NCOA7: variants seen among roughly 807,000 people sequenced by gnomAD.
NCOA7 encodes the protein 140 kDa estrogen receptor-associated protein.
Under a neutral mutation model 104.3 loss-of-function variants are expected in NCOA7, and 45 were observed. The observed-to-expected ratio is 0.43, with a 90% confidence interval of 0.34 to 0.55. The LOEUF is 0.55. NCOA7 is among the 20% of genes least tolerant of loss of function. The pLI is 0.02. For synonymous variants in NCOA7, 398 were observed against 402.3 expected (o/e 0.99, Z 0.13); for missense variants, 1,041 against 1,119.7 (o/e 0.93, Z 1.00).
intron 10 of NCOA7, among the ~76,000 whole-genome samples, chr6:125,893,657 C>T (rs1406542265): frequency 1.3e-5 from 2 of 152,020 alleles, no homozygotes; most frequent in Non-Finnish European, 1.5e-5. Flanking sequence ...GCATAGTCTC[C>T]GTTAATCTCC....
chr6:125,808,295 G>A (rs1029070475), intron 1 of NCOA7, among the ~76,000 whole-genome samples: 3 of 152,092 alleles, frequency 2.0e-5, no homozygotes, highest in Non-Finnish European at 2.9e-5. Context: ...GACATTGCTG[G>A]GACACTCCTT....
chr6:125,794,789 A>C (rs1204694468), intron 1 of NCOA7, among the ~76,000 whole-genome samples: 4 of 152,226 alleles, frequency 2.6e-5, no homozygotes, highest in Non-Finnish European at 4.4e-5. Context: ...TGAAATTAAT[A>C]AAGCCATTCA....
At chr6:125,882,727 T>G in intron 7 of NCOA7, 176 bp downstream of exon 7, 1 of 656,832 alleles carries the variant, frequency 1.5e-6, no homozygotes, top group Non-Finnish European at 2.5e-6. Context: ...CTTACTGAGG[T>G]AAATGTTGTC....
rs573750178 is a variant in NCOA7 at position 125,873,976 on chromosome 6, C to A, written c.272-913C>A. 3.3e-5 allele frequency among the ~76,000 whole-genome samples: 5 copies of A among 152,254 alleles called. 1 individual carries two copies. Among genetic ancestry groups the A allele is most frequent in the African/African-American group, 1.2e-4 (5 of 41,546 alleles). On this transcript the variant is annotated intron_variant, in intron 3 of 15. Coordinates refer to ENST00000392477, the MANE Select transcript of NCOA7 (RefSeq NM_181782.5). ...TATATTGAGATGTATTTAACCCTGA[C>A]AGTTAGGTTGAATCATATGCAGGTG...
rs1787689174 is a variant in NCOA7 at position 125,922,719 on chromosome 6, C to T, written c.2408C>T (p.Pro803Leu). ...CTTCCTGCAAGGGTGCAAGGGTATC[C>T]ATGGAGACTGGCCTATAGCACGTTA... Reference protein sequence around the residue: ...RRLPARVQGYPWRLAYSTLEH... With the variant: ...RRLPARVQGYLWRLAYSTLEH... The change falls in exon 13 of 16, where the codon CCA (proline) becomes CTA (leucine). Residue 803 changes from proline (P) to leucine (L), a missense_variant. This residue lies in a region of NCOA7 where 127 missense variants were observed against 177.0 expected (regional missense o/e 0.72). Coordinates refer to ENST00000392477, the MANE Select transcript of NCOA7 (RefSeq NM_181782.5). 19 of 1,613,772 alleles carry T rather than the reference C, an allele frequency of 1.2e-5. No homozygotes were observed. The highest frequency in any genetic ancestry group is 1.5e-5 in the Non-Finnish European group (18 of 1,180,022).
chr6:125,834,616 T>C (rs1446124954), intron 2 of NCOA7, among the ~76,000 whole-genome samples: 1 of 152,206 alleles, frequency 6.6e-6, no homozygotes, highest in Non-Finnish European at 1.5e-5. Context: ...ACCAATGATA[T>C]CTCAAGCTTG....
intron 10 of NCOA7, among the ~76,000 whole-genome samples, chr6:125,892,538 G>T (rs920319741): frequency 7.9e-5 from 12 of 152,148 alleles, no homozygotes; most frequent in African/African-American, 2.9e-4. Flanking sequence ...GCCAGGCGTG[G>T]TGGTGGGTGC....
intron 11 of NCOA7, among the ~76,000 whole-genome samples, chr6:125,917,466 T>A (rs192822848): frequency 5.3e-5 from 8 of 152,300 alleles, no homozygotes; most frequent in African/African-American, 1.7e-4. Flanking sequence ...GCTCTCAAAC[T>A]GAAGCACCAT....
intron 2 of NCOA7, among the ~76,000 whole-genome samples, chr6:125,845,532 T>A (rs1351518199): frequency 6.6e-6 from 1 of 152,128 alleles, no homozygotes; most frequent in African/African-American, 2.4e-5. Flanking sequence ...TCCCAGCATT[T>A]TGGGAGGCTG....
In NCOA7 at chr6:125,829,954, G is replaced by A. The variant is rs78461345; in HGVS notation, c.50+14550G>A. ...TTCAGAATTATAAAATCTTTTAGTC[G>A]AAATATGGAGGTCGTGTGGGCTACC... On this transcript the variant is annotated intron_variant, in intron 2 of 15. Transcript: ENST00000392477. Among the ~76,000 whole-genome samples the A allele has an allele frequency of 1.2e-3, 178 of 152,126 alleles. 3 individuals carry two copies. The East Asian group carries it at 0.028, about 24-fold the overall frequency.
intron 1 of NCOA7, among the ~76,000 whole-genome samples, chr6:125,785,333 G>C (rs1774416768): frequency 1.3e-5 from 2 of 151,460 alleles, no homozygotes; most frequent in Admixed American, 1.3e-4. Flanking sequence ...GTGAGACTCT[G>C]TCTCAAGAAA....
chr6:125,879,146 A>G (rs979666668), intron 5 of NCOA7, among the ~76,000 whole-genome samples: 1 of 152,196 alleles, frequency 6.6e-6, no homozygotes, highest in Non-Finnish European at 1.5e-5. Context: ...CAAGATCACA[A>G]AATTTTAGTC....
chr6:125,806,929 A>G (rs1252009505), intron 1 of NCOA7, among the ~76,000 whole-genome samples: 5 of 152,158 alleles, frequency 3.3e-5, no homozygotes, highest in East Asian at 3.8e-4. Flanking sequence ...AATGCTTTAC[A>G]TATTTATTTA....
chr6:125,801,507 C>G (rs1775883818), intron 1 of NCOA7, among the ~76,000 whole-genome samples: 1 of 152,122 alleles, frequency 6.6e-6, no homozygotes, highest in African/African-American at 2.4e-5. Flanking sequence ...GTATTAGTTT[C>G]TTAGGGGAGC....
chr6:125,792,470 A>G (rs1446321432), intron 1 of NCOA7, among the ~76,000 whole-genome samples: 3 of 152,232 alleles, frequency 2.0e-5, no homozygotes, highest in Admixed American at 6.5e-5. Flanking sequence ...GTTTTAAAGA[A>G]AATTGTAAGT....
chr6:125,860,430 C>T (rs1781944911), intron 3 of NCOA7, among the ~76,000 whole-genome samples: 1 of 152,198 alleles, frequency 6.6e-6, no homozygotes, highest in Non-Finnish European at 1.5e-5. Context: ...TCATTGCAAC[C>T]TCTGCCTCCC....
intron 1 of NCOA7, among the ~76,000 whole-genome samples, chr6:125,803,411 A>G (rs1399148824): frequency 6.6e-6 from 1 of 152,228 alleles, no homozygotes; most frequent in Non-Finnish European, 1.5e-5. Context: ...GGCTTCAGAT[A>G]AATAGTACAG....
chr6:125,889,995 C>A lies in NCOA7; in HGVS notation c.1927+14C>A. 1 of 1,486,866 alleles carries A rather than the reference C, an allele frequency of 6.7e-7. No homozygotes were observed. The highest frequency in any genetic ancestry group is 8.9e-7 in the Non-Finnish European group (1 of 1,122,042). 92.1% of individuals were successfully genotyped at this position (1,486,866 alleles called of 1,614,324 possible). A position where few individuals can be genotyped will look rare whatever the true frequency, so the allele number is the denominator to read the frequency against. The stretch of plus-strand genomic sequence containing the variant: ...TACCCATTGAAGGTAAGCTGTTTTT[C>A]TTTAATGCCTTTATATTCTGTTGCA... On this transcript the variant is annotated intron_variant, in intron 9 of 15. Coordinates refer to ENST00000392477, the MANE Select transcript of NCOA7 (RefSeq NM_181782.5).
At chr6:125,866,041 A>C (rs1012924716) in intron 3 of NCOA7, among the ~76,000 whole-genome samples, 2 of 136,920 alleles carry the variant, frequency 1.5e-5, no homozygotes, top group East Asian at 2.1e-4. Context: ...AAAGACATAT[A>C]ACTTTAGGCC....
Sources: gnomAD v4.1 joint callset for allele counts (sites outside exome capture counted in the v4.1 genomes callset) on GRCh38, gnomAD v4.1.1 for gene constraint, gnomAD v4.1.1 regional missense constraint, MANE v1.5 for transcripts, NCBI Gene and HGNC (gene_info 2026-07-23, HGNC 2026-07-21) for gene names.